The following RAD54B variants were observed in gnomAD, a reference collection of about 807,000 sequenced individuals.
RAD54B encodes the protein RAD54 homolog B, also known as DNA repair and recombination protein RAD54B.
RAD54B carries 78 observed loss-of-function variants against 95.8 expected under a neutral mutation model. The observed-to-expected ratio is 0.81, with a 90% CI of 0.68 to 0.98. RAD54B has a LOEUF of 0.98. Ranked by LOEUF, RAD54B falls within the 50% of genes least tolerant of loss-of-function variation. The pLI is 0.00. For synonymous variants in RAD54B, 328 were observed against 354.9 expected, an observed-to-expected ratio of 0.92 and a Z score of 0.85; for missense variants, 957 against 1,056.6, an observed-to-expected ratio of 0.91 and a Z score of 1.31.
chr8:94,427,654 T>A lies in RAD54B; in HGVS notation c.305-16339A>T, dbSNP rs79869960. 1,908 of 939,400 alleles carry A rather than the reference T, an allele frequency of 2.0e-3. 26 individuals carry two copies. The African/African-American group carries it at 0.031, about 15-fold the overall frequency. 58.2% of individuals were successfully genotyped at this position (939,400 alleles called of 1,614,324 possible). A position where few individuals can be genotyped will look rare whatever the true frequency, so the allele number is the denominator to read the frequency against. ...ATTTCAATTATACCTCATCAAAAAA[T>A]TTTACCTCTACAGTACTGAATTATT... is the stretch of plus-strand genomic sequence containing the variant. On this transcript the variant is annotated intron_variant, in intron 3 of 14. Transcript: ENST00000336148.
At chr8:94,416,381 G>T (rs1052659939) in intron 3 of RAD54B, among the ~76,000 whole-genome samples, 1 of 152,076 alleles carries the variant, frequency 6.6e-6, no homozygotes, top group Admixed American at 6.6e-5. Context: ...TGGGGCGAGG[G>T]GGGAGGGATA....
rs760734988 is a variant in RAD54B, at chr8:94,407,715, C to T, written c.505G>A (p.Gly169Ser). The T allele has an allele frequency of 5.6e-6, 9 of 1,608,856 alleles. No individual in the cohort carries two copies. Among genetic ancestry groups the T allele is most frequent in the Non-Finnish European group, 7.6e-6 (9 of 1,176,536 alleles). The stretch of plus-strand genomic sequence containing the variant: ...TTTTCAAGCTCTTTGAATTTATAAC[C>T]AATGCCTTTAAGTTAAGAAAGAAAA... ...LEGKDIGRGI[G>S]YKFKELEKIE... Residue 169 changes from glycine to serine, a missense_variant, in exon 5 of 15, where the codon GGT becomes AGT. By Grantham distance (56) the Gly-to-Ser change is moderately conservative (BLOSUM62 0). Transcript: ENST00000336148.
At chr8:94,465,654 C>A (rs1039634079) in intron 2 of RAD54B, among the ~76,000 whole-genome samples, 1 of 152,152 alleles carries the variant, frequency 6.6e-6, no homozygotes, top group Non-Finnish European at 1.5e-5. Flanking sequence ...AAATCCATTT[C>A]TAGTTATAAT....
intron 11 of RAD54B, among the ~76,000 whole-genome samples, chr8:94,386,780 A>T (rs1049776330): frequency 1.3e-5 from 2 of 152,232 alleles, no homozygotes; most frequent in African/African-American, 4.8e-5. Flanking sequence ...GGTTTTTAAA[A>T]GTATACATAT....
At chr8:94,393,562 T>C (rs1811071543) in intron 9 of RAD54B, 181 bp downstream of exon 9, 1 of 528,656 alleles carries the variant, frequency 1.9e-6, no homozygotes, top group Non-Finnish European at 3.3e-6. Context: ...GAAGTTCCTA[T>C]TCATGAATTT....
chr8:94,440,699 A>C (rs1812377815), intron 3 of RAD54B, among the ~76,000 whole-genome samples: 1 of 152,148 alleles, frequency 6.6e-6, no homozygotes, highest in Non-Finnish European at 1.5e-5. Context: ...GTTTCTCCCC[A>C]CACACCAAGC....
At chr8:94,380,442 T>A in intron 11 of RAD54B, 36 bp from the exon 12 acceptor site, 1 of 1,551,162 alleles carries the variant, frequency 6.4e-7, no homozygotes, top group Non-Finnish European at 8.7e-7. Context: ...TAGATAAATT[T>A]AAAGGCAGCA....
intron 3 of RAD54B, among the ~76,000 whole-genome samples, chr8:94,447,449 C>T (rs1220603943): frequency 6.6e-6 from 1 of 152,150 alleles, no homozygotes; most frequent in African/African-American, 2.4e-5. Context: ...ATCATTTTAT[C>T]AGTATAGTCA....
intron 3 of RAD54B, among the ~76,000 whole-genome samples, chr8:94,413,114 A>C (rs927079476): frequency 2.0e-5 from 3 of 152,196 alleles, no homozygotes; most frequent in Non-Finnish European, 4.4e-5. Context: ...TGGAACATTC[A>C]ATTTTGTTAA....
chr8:94,471,268 C>CG (rs34892988), intron 1 of RAD54B, among the ~76,000 whole-genome samples: 13,501 of 136,596 alleles, frequency 0.099, 1,222 homozygotes, highest in African/African-American at 0.25. Context: ...TAATGGGTGG[C>CG]GGGGGGGGGC....
intron 8 of RAD54B, among the ~76,000 whole-genome samples, chr8:94,396,516 G>A (rs1400213917): frequency 6.6e-6 from 1 of 151,874 alleles, no homozygotes; most frequent in Non-Finnish European, 1.5e-5. Context: ...AAAGCTCTGA[G>A]AGCTTTTTAT....
chr8:94,387,207 A>T lies in RAD54B; in HGVS notation c.1810-48T>A, dbSNP rs1475425212. Reference sequence around the variant, plus strand: ...ATGCTGGCTCAAGTTTGTTTTTTTAATTAGGAGGGGAAAATGCTAAAATTA... The same window carrying T: ...ATGCTGGCTCAAGTTTGTTTTTTTATTTAGGAGGGGAAAATGCTAAAATTA... On this transcript the variant is annotated intron_variant, in intron 10 of 14. Transcript: ENST00000336148. 3 of 1,449,110 alleles carry T rather than the reference A, an allele frequency of 2.1e-6. No individual in the cohort carries two copies. In the African/African-American group the frequency reaches 4.4e-5, roughly 21 times the overall value. The allele number at this position is 1,449,110 out of a possible 1,614,324, so 89.8% of individuals were successfully genotyped here. A position where few individuals can be genotyped will look rare whatever the true frequency, so the allele number is the denominator to read the frequency against.
At chr8:94,408,166 C>T (rs1157242911) in intron 4 of RAD54B, among the ~76,000 whole-genome samples, 2 of 152,150 alleles carry the variant, frequency 1.3e-5, no homozygotes, top group East Asian at 1.9e-4. Context: ...GACTGTTCCA[C>T]ATGAGATAGC....
intron 3 of RAD54B, among the ~76,000 whole-genome samples, chr8:94,413,454 GA>G (rs1811577971): frequency 6.6e-6 from 1 of 152,108 alleles, no homozygotes; most frequent in African/African-American, 2.4e-5. Context: ...ATGAGGAAAG[GA>G]AAGTCTTTTC....
intron 3 of RAD54B, among the ~76,000 whole-genome samples, chr8:94,443,029 C>A (rs1586027514): frequency 6.6e-6 from 1 of 152,208 alleles, no homozygotes; most frequent in African/African-American, 2.4e-5. Flanking sequence ...CCAATTGTAA[C>A]CTTGGGTGTG....
intron 1 of RAD54B, among the ~76,000 whole-genome samples, chr8:94,471,276 G>A: frequency 6.9e-6 from 1 of 145,556 alleles, no homozygotes; most frequent in African/African-American, 2.6e-5. Flanking sequence ...GGCGGGGGGG[G>A]GCAGTACTTT....
At chr8:94,459,922 G>T (rs558847203) in intron 2 of RAD54B, among the ~76,000 whole-genome samples, 1 of 151,880 alleles carries the variant, frequency 6.6e-6, no homozygotes, top group East Asian at 1.9e-4. Context: ...ACTTTGGGAG[G>T]CCAAGGCAGG....
chr8:94,433,854 T>G (rs1812187709), intron 3 of RAD54B, among the ~76,000 whole-genome samples: 2 of 151,906 alleles, frequency 1.3e-5, no homozygotes, highest in East Asian at 3.9e-4. Context: ...ACATTCTACA[T>G]GGATGATTAA....
At chr8:94,469,317 C>T (rs902963612) in intron 1 of RAD54B, among the ~76,000 whole-genome samples, 2 of 152,114 alleles carry the variant, frequency 1.3e-5, no homozygotes, top group South Asian at 2.1e-4. Flanking sequence ...TCACGAGATC[C>T]GATGGTTTTA....
Sources: gnomAD v4.1 joint callset for allele counts (sites outside exome capture counted in the v4.1 genomes callset) on GRCh38, gnomAD v4.1.1 for gene constraint, MANE v1.5 for transcripts, NCBI Gene and HGNC (gene_info 2026-07-23, HGNC 2026-07-21) for gene names.